SLC12A6: variants seen among roughly 807,000 people sequenced by gnomAD.
SLC12A6 encodes the protein K-Cl cotransporter 3.
Under a neutral mutation model 135.3 loss-of-function variants are expected in SLC12A6, and 66 were observed. The observed-to-expected ratio is 0.49, with a 90% CI of 0.40 to 0.60. The LOEUF (loss-of-function observed/expected upper bound fraction) is 0.60, where lower values mean the gene tolerates loss of function less well. Among genes scored for constraint, SLC12A6 ranks in the 20% least tolerant of loss-of-function variants. The pLI, the probability that SLC12A6 is intolerant of heterozygous loss-of-function variation, is 0.00. For missense variants in SLC12A6, 1,058 were observed against 1,452.3 expected, an observed-to-expected ratio of 0.73 and a Z score of 4.41; for synonymous variants, 513 against 508.8, an observed-to-expected ratio of 1.01 and a Z score of -0.11.
At chr15:34,250,193 C>T (rs573729938) in intron 13 of SLC12A6, 105 bp downstream of exon 13, 7 of 804,416 alleles carry the variant, frequency 8.7e-6, no homozygotes, top group East Asian at 4.9e-5. Flanking sequence ...GCATGAGCCA[C>T]GGTGCCTGGC....
At chr15:34,284,277 C>CTTTTTTTTT (rs71415558) in intron 2 of SLC12A6, among the ~76,000 whole-genome samples, 4 of 92,490 alleles carry the variant, frequency 4.3e-5, no homozygotes, top group Non-Finnish European at 6.0e-5. Context: ...TGTTTCTTTT[C>CTTTTTTTTT]TTTTTTTTTT....
intron 2 of SLC12A6, chr15:34,318,599 G>A: frequency 1.2e-6 from 2 of 1,613,854 alleles, no homozygotes; most frequent in Non-Finnish European, 1.7e-6. Context: ...TTTTATGTCT[G>A]CTAAACTAGG....
intron 2 of SLC12A6, among the ~76,000 whole-genome samples, chr15:34,281,254 C>G (rs1466526680): frequency 6.6e-6 from 1 of 151,964 alleles, no homozygotes; most frequent in Non-Finnish European, 1.5e-5. Context: ...ATACTAATTA[C>G]ATTGATCTGA....
intron 19 of SLC12A6, 29 bp downstream of exon 19, chr15:34,240,632 T>C (rs1402612421): frequency 6.3e-7 from 1 of 1,596,618 alleles, no homozygotes; most frequent in African/African-American, 1.3e-5. Context: ...GTAAACTGAG[T>C]TCCAATACCT....
intron 6 of SLC12A6, 114 bp downstream of exon 6, chr15:34,257,528 G>A (rs1892834993): frequency 1.2e-6 from 1 of 816,166 alleles, no homozygotes; most frequent in African/African-American, 1.7e-5. Flanking sequence ...CTTCTGTTGA[G>A]ATCATGAGTC....
chr15:34,244,201 G>A (rs1891836102), intron 15 of SLC12A6, 129 bp from the exon 16 acceptor site: 1 of 701,466 alleles, frequency 1.4e-6, no homozygotes, highest in Non-Finnish European at 2.6e-6. Flanking sequence ...TAGGAAGTAG[G>A]GAAACTTAAA....
chr15:34,292,793 G>A (rs543475589), intron 2 of SLC12A6, among the ~76,000 whole-genome samples: 1 of 152,308 alleles, frequency 6.6e-6, no homozygotes, highest in South Asian at 2.1e-4. Flanking sequence ...AGCTAGCAAG[G>A]CTCCGTGGGT....
chr15:34,294,419 G>A (rs1455648285), intron 2 of SLC12A6, among the ~76,000 whole-genome samples: 1 of 152,040 alleles, frequency 6.6e-6, no homozygotes, highest in Non-Finnish European at 1.5e-5. Context: ...AAAATGCCAG[G>A]CTAATTTTTG....
chr15:34,241,000 A>C (rs1891606319), intron 18 of SLC12A6, 171 bp from the exon 19 acceptor site: 1 of 673,452 alleles, frequency 1.5e-6, no homozygotes, highest in African/African-American at 1.8e-5. Context: ...GAATGCTCCC[A>C]GTACTATCTC....
intron 2 of SLC12A6, among the ~76,000 whole-genome samples, chr15:34,323,997 T>C (rs1218895108): frequency 6.7e-6 from 1 of 150,240 alleles, no homozygotes; most frequent in Non-Finnish European, 1.5e-5. Context: ...GAGTGTAAAA[T>C]GGCACAATCA....
chr15:34,299,298 T>A (rs910827592), intron 2 of SLC12A6, among the ~76,000 whole-genome samples: 2 of 152,226 alleles, frequency 1.3e-5, no homozygotes, highest in Non-Finnish European at 2.9e-5. Context: ...TAAGCCCCTT[T>A]ATATTTTAGT....
intron 2 of SLC12A6, among the ~76,000 whole-genome samples, chr15:34,322,236 C>T (rs1254122011): frequency 6.6e-6 from 1 of 152,106 alleles, no homozygotes; most frequent in Non-Finnish European, 1.5e-5. Flanking sequence ...TATAAATTAG[C>T]TGGGCGTGGT....
intron 4 of SLC12A6, among the ~76,000 whole-genome samples, chr15:34,260,406 C>T (rs1468504385): frequency 3.9e-5 from 6 of 152,158 alleles, no homozygotes; most frequent in Non-Finnish European, 7.3e-5. Flanking sequence ...CCACAGGCGC[C>T]CGCCACCATG....
chr15:34,337,021 T>G, intron 1 of SLC12A6: 1 of 371,398 alleles, frequency 2.7e-6, no homozygotes, highest in South Asian at 2.2e-5. Context: ...CTCAGTGCCA[T>G]GGTCTCAGGG....
Position 34,244,039 on chromosome 15 carries a change from C to T in SLC12A6, c.1977G>A (p.Leu659=), listed in dbSNP as rs1214377067. The T allele has an allele frequency of 3.1e-6, 5 of 1,607,074 alleles. No individual in the cohort carries two copies. Among genetic ancestry groups the T allele is most frequent in the African/African-American group, 1.3e-5 (1 of 74,890 alleles). Residue 659 remains leucine (L), a synonymous_variant, in exon 16 of 26, where the codon TTG becomes TTA. Coordinates refer to ENST00000354181, the MANE Select transcript of SLC12A6 (RefSeq NM_001365088.1). ...GAAGTAATGTTTGCAAGGCACATGCCAAGTTTACAAAGAGGTAACACATGA... is the reference window on the plus strand; with the variant it reads ...GAAGTAATGTTTGCAAGGCACATGCTAAGTTTACAAAGAGGTAACACATGA... ...FFLMCYLFVN[L]ACALQTLLRT...
chr15:34,292,566 T>G (rs746909252), intron 2 of SLC12A6, among the ~76,000 whole-genome samples: 5 of 152,182 alleles, frequency 3.3e-5, no homozygotes, highest in Non-Finnish European at 4.4e-5. Context: ...AGCTGTCTGC[T>G]GCCTTTTGTT....
intron 11 of SLC12A6, 33 bp from the exon 12 acceptor site, chr15:34,250,762 C>T (rs771232914): frequency 6.3e-6 from 9 of 1,419,546 alleles, no homozygotes; most frequent in Non-Finnish European, 9.0e-6. Flanking sequence ...ACCAAGTTAA[C>T]TTCTTGGACA....
chr15:34,253,054 G>C (rs1174099685), intron 9 of SLC12A6, among the ~76,000 whole-genome samples: 1 of 152,244 alleles, frequency 6.6e-6, no homozygotes, highest in African/African-American at 2.4e-5. Context: ...ATATTAACCT[G>C]CTGGTTTTAC....
intron 2 of SLC12A6, among the ~76,000 whole-genome samples, chr15:34,279,356 C>T (rs1010874628): frequency 6.6e-6 from 1 of 151,702 alleles, no homozygotes; most frequent in Non-Finnish European, 1.5e-5. Flanking sequence ...ACAAAAAAAA[C>T]AAAGAACTAA....
Sources: gnomAD v4.1 joint callset for allele counts (sites outside exome capture counted in the v4.1 genomes callset) on GRCh38, gnomAD v4.1.1 for gene constraint, MANE v1.5 for transcripts, NCBI Gene and HGNC (gene_info 2026-07-23, HGNC 2026-07-21) for gene names.